PDE7B: variants seen among roughly 807,000 people sequenced by gnomAD.
PDE7B encodes the protein phosphodiesterase 7B, also known as 3',5'-cyclic-AMP phosphodiesterase 7B.
PDE7B carries 29 observed loss-of-function variants against 56.2 expected under a neutral mutation model. The observed-to-expected ratio is 0.52, with a 90% CI of 0.38 to 0.70. The LOEUF is 0.70. Among genes scored for constraint, PDE7B ranks in the 30% least tolerant of loss-of-function variants. The pLI, the probability that PDE7B is intolerant of heterozygous loss-of-function variation, is 0.00. For missense variants in PDE7B, 490 were observed against 565.0 expected, an observed-to-expected ratio of 0.87 and a Z score of 1.35; for synonymous variants, 197 against 196.9, an observed-to-expected ratio of 1.00 and a Z score of 0.00.
chr6:135,854,162 C>G (rs1375823048), intron 1 of PDE7B, among the ~76,000 whole-genome samples: 1 of 152,180 alleles, frequency 6.6e-6, no homozygotes, highest in Non-Finnish European at 1.5e-5. Context: ...AATTATTCGT[C>G]TGAAGTCTAA....
chr6:135,995,578 T>TTATTCCC (rs113802436), intron 2 of PDE7B, among the ~76,000 whole-genome samples: 7,857 of 151,948 alleles, frequency 0.052, 606 homozygotes, highest in African/African-American at 0.17. Context: ...GAATAGAAAA[T>TTATTCCC]TAGTGTTAGA....
At chr6:136,141,304 C>T (rs1778321218) in intron 3 of PDE7B, among the ~76,000 whole-genome samples, 1 of 152,144 alleles carries the variant, frequency 6.6e-6, no homozygotes, top group African/African-American at 2.4e-5. Context: ...CCTTGCATCC[C>T]AGGGATGAAG....
At chr6:136,138,447 C>T (rs922817512) in intron 3 of PDE7B, among the ~76,000 whole-genome samples, 1 of 151,960 alleles carries the variant, frequency 6.6e-6, no homozygotes, top group Non-Finnish European at 1.5e-5. Context: ...TTTTCTTTAT[C>T]TCACAAAACA....
chr6:136,115,302 G>T (rs1777812478), intron 3 of PDE7B, among the ~76,000 whole-genome samples: 1 of 152,048 alleles, frequency 6.6e-6, no homozygotes, highest in Non-Finnish European at 1.5e-5. Flanking sequence ...GGAAATTAAG[G>T]AAGTCTTCCT....
At chr6:136,042,085 G>A (rs1354019842) in intron 2 of PDE7B, among the ~76,000 whole-genome samples, 1 of 152,190 alleles carries the variant, frequency 6.6e-6, no homozygotes, top group Non-Finnish European at 1.5e-5. Context: ...CAAGTCAAAG[G>A]ATTGTGTCTC....
intron 1 of PDE7B, among the ~76,000 whole-genome samples, chr6:135,916,392 C>CTTTTTTTTTTTTTTTTTTTTTTTT (rs566408380): frequency 2.0e-4 from 19 of 96,342 alleles, no homozygotes; most frequent in East Asian, 1.1e-3. Flanking sequence ...TCTTTTCTTT[C>CTTTTTTTTTTTTTTTTTTTTTTTT]TTTTTTTTTT....
rs1169479170 is a variant in PDE7B at position 135,851,867 on chromosome 6, T to G, written c.-132T>G. 1.6e-6 allele frequency: 1 copy of G among 611,284 alleles called. No homozygotes were observed. Among genetic ancestry groups the G allele is most frequent in the Non-Finnish European group, 2.9e-6 (1 of 340,892 alleles). The allele number at this position is 611,284 out of a possible 1,614,324, so 37.9% of individuals were successfully genotyped here. On this transcript the variant is annotated 5_prime_UTR_variant, in exon 1 of 13. Transcript: ENST00000308191. ...TCTTTTCCTTTTTTTTCTTTTTTTT[T>G]TTTTGTTACTTAATTATATTCCTAA...
intron 1 of PDE7B, among the ~76,000 whole-genome samples, chr6:135,927,987 C>T (rs1468787709): frequency 2.0e-5 from 3 of 152,042 alleles, no homozygotes; most frequent in Non-Finnish European, 4.4e-5. Flanking sequence ...CATGAGCAGA[C>T]ACTTCTCAAA....
At chr6:135,993,495 CT>C (rs1169843141) in intron 2 of PDE7B, among the ~76,000 whole-genome samples, 2 of 152,192 alleles carry the variant, frequency 1.3e-5, no homozygotes, top group African/African-American at 4.8e-5. Context: ...TTGAGCGCCC[CT>C]GATACAGCTG....
chr6:135,879,132 G>T (rs1361983191), intron 1 of PDE7B, among the ~76,000 whole-genome samples: 4 of 151,948 alleles, frequency 2.6e-5, no homozygotes, highest in Non-Finnish European at 1.5e-5. Flanking sequence ...ATTATAAAAA[G>T]ATTTTATGCA....
intron 1 of PDE7B, among the ~76,000 whole-genome samples, chr6:135,869,425 G>A (rs920824168): frequency 6.6e-6 from 1 of 152,060 alleles, no homozygotes; most frequent in Non-Finnish European, 1.5e-5. Flanking sequence ...AACAAACTCA[G>A]ACTCTCATTA....
chr6:135,921,312 G>A (rs1379186794), intron 1 of PDE7B, among the ~76,000 whole-genome samples: 1 of 152,110 alleles, frequency 6.6e-6, no homozygotes, highest in Non-Finnish European at 1.5e-5. Context: ...AGGCTGTAGA[G>A]TTCAAAAGTG....
At chr6:135,975,670 A>G (rs1006749766) in intron 2 of PDE7B, among the ~76,000 whole-genome samples, 1 of 152,274 alleles carries the variant, frequency 6.6e-6, no homozygotes, top group African/African-American at 2.4e-5. Context: ...TGGGCTTAAG[A>G]GAACAGCAAA....
chr6:136,175,115 C>G (rs1778955828), intron 9 of PDE7B, among the ~76,000 whole-genome samples: 1 of 152,094 alleles, frequency 6.6e-6, no homozygotes, highest in Admixed American at 6.6e-5. Flanking sequence ...GTTTGTTACT[C>G]AATATTTCTT....
intron 8 of PDE7B, among the ~76,000 whole-genome samples, chr6:136,172,011 C>T (rs1778891751): frequency 6.6e-6 from 1 of 151,936 alleles, no homozygotes; most frequent in South Asian, 2.1e-4. Context: ...TGTATATGTG[C>T]CACATTTTCT....
At chr6:135,869,392 A>G (rs1775329898) in intron 1 of PDE7B, among the ~76,000 whole-genome samples, 1 of 152,162 alleles carries the variant, frequency 6.6e-6, no homozygotes, top group African/African-American at 2.4e-5. Context: ...TAATATATGG[A>G]TAAAATTGTC....
At chr6:135,853,118 C>A (rs1562410144) in intron 1 of PDE7B, among the ~76,000 whole-genome samples, 1 of 152,144 alleles carries the variant, frequency 6.6e-6, no homozygotes, top group African/African-American at 2.4e-5. Flanking sequence ...CAAAGTTATG[C>A]AATAGCAAAT....
chr6:136,008,889 T>G (rs2128206928), intron 2 of PDE7B, among the ~76,000 whole-genome samples: 1 of 152,324 alleles, frequency 6.6e-6, no homozygotes, highest in South Asian at 2.1e-4. Context: ...TTTTGGTGTT[T>G]TAGACATGAA....
chr6:136,124,810 T>C (rs1777994224), intron 3 of PDE7B, among the ~76,000 whole-genome samples: 1 of 152,242 alleles, frequency 6.6e-6, no homozygotes, highest in Non-Finnish European at 1.5e-5. Context: ...TTATTTTTAC[T>C]AAAGTTAAAT....
Sources: gnomAD v4.1 joint callset for allele counts (sites outside exome capture counted in the v4.1 genomes callset) on GRCh38, gnomAD v4.1.1 for gene constraint, MANE v1.5 for transcripts, NCBI Gene and HGNC (gene_info 2026-07-23, HGNC 2026-07-21) for gene names.